Variants in DLGAP2 observed in about 807,000 individuals in gnomAD.
DLGAP2 encodes DLG associated protein 2.
In DLGAP2, 26 loss-of-function variants were observed where a neutral mutation model predicts 100.3. The ratio of observed to expected loss-of-function variants is 0.26; its 90% confidence interval spans 0.19 to 0.36. The LOEUF (loss-of-function observed/expected upper bound fraction) is 0.36, where lower values mean the gene tolerates loss of function less well. Ranked by LOEUF, DLGAP2 falls within the 10% of genes least tolerant of loss-of-function variation. The pLI, the probability that DLGAP2 is intolerant of heterozygous loss-of-function variation, is 1.00. For missense variants in DLGAP2, 1,858 were observed against 1,453.2 expected, an observed-to-expected ratio of 1.28 and a Z score of -4.53; for synonymous variants, 886 against 630.1, an observed-to-expected ratio of 1.41 and a Z score of -6.08.
chr8:1,232,646 C>G (rs575161017), intron 2 of DLGAP2, among the ~76,000 whole-genome samples: 1 of 152,192 alleles, frequency 6.6e-6, no homozygotes, highest in African/African-American at 2.4e-5. Context: ...TTCATGTAGG[C>G]ATTTCATTTC....
chr8:1,642,147 A>T (rs1585024756), intron 8 of DLGAP2, among the ~76,000 whole-genome samples: 1 of 12,794 alleles, frequency 7.8e-5, no homozygotes, highest in Non-Finnish European at 1.2e-4. Context: ...CACCTGTGTC[A>T]CCCTCGACCC....
chr8:1,677,306 G>A (rs944969025), intron 11 of DLGAP2, among the ~76,000 whole-genome samples: 2 of 152,118 alleles, frequency 1.3e-5, no homozygotes, highest in African/African-American at 4.8e-5. Flanking sequence ...CAGTTTCCAA[G>A]AGACCTCCTA....
intron 2 of DLGAP2, among the ~76,000 whole-genome samples, chr8:1,045,302 A>G (rs1802484990): frequency 6.6e-6 from 1 of 152,224 alleles, no homozygotes; most frequent in Non-Finnish European, 1.5e-5. Context: ...GTGTATATAA[A>G]GCACTTCACA....
chr8:1,412,897 C>T (rs1014597177), intron 3 of DLGAP2, among the ~76,000 whole-genome samples: 1 of 152,176 alleles, frequency 6.6e-6, no homozygotes, highest in African/African-American at 2.4e-5. Context: ...TTCCTGTCTC[C>T]CTGTCTCTGA....
At chr8:1,587,409 T>G (rs1796154659) in intron 6 of DLGAP2, among the ~76,000 whole-genome samples, 1 of 152,210 alleles carries the variant, frequency 6.6e-6, no homozygotes, top group Non-Finnish European at 1.5e-5. Context: ...TTCAGTTGTT[T>G]TCTAATTCAT....
chr8:1,380,491 A>G (rs1300088237), intron 3 of DLGAP2, among the ~76,000 whole-genome samples: 1 of 152,202 alleles, frequency 6.6e-6, no homozygotes, highest in African/African-American at 2.4e-5. Flanking sequence ...AGAGATGCTC[A>G]GCTGCACAAA....
intron 2 of DLGAP2, among the ~76,000 whole-genome samples, chr8:997,811 C>T (rs776053675): frequency 6.6e-6 from 1 of 152,194 alleles, no homozygotes; most frequent in Non-Finnish European, 1.5e-5. Context: ...TTTGCTTATA[C>T]CTATGCATAC....
At position 1,421,496 on chromosome 8, in the gene DLGAP2, C is replaced by A. The variant is rs551958224; in HGVS notation, c.107-79870C>A. 7.2e-5 allele frequency among the ~76,000 whole-genome samples: 11 copies of A among 152,292 alleles called. No individual in the cohort carries two copies. The East Asian group carries it at 2.1e-3, about 29-fold the overall frequency. On this transcript the variant is annotated intron_variant, in intron 3 of 14. Coordinates refer to ENST00000637795, the MANE Select transcript of DLGAP2 (RefSeq NM_001346810.2). ...CATAGAATCACTTTCATGCTACGTA[C>A]TCAGCCTTTCTATAATACCACAGTA...
intron 3 of DLGAP2, among the ~76,000 whole-genome samples, chr8:1,337,235 G>T (rs934151788): frequency 3.1e-4 from 47 of 149,378 alleles, no homozygotes; most frequent in Non-Finnish European, 5.6e-4. Context: ...GATGGTGGTG[G>T]TGAGAATGAT....
intron 3 of DLGAP2, among the ~76,000 whole-genome samples, chr8:1,303,698 C>A (rs1457772368): frequency 6.6e-6 from 1 of 152,176 alleles, no homozygotes. Flanking sequence ...CCCAGGGTCT[C>A]CTTGGGAGGC....
chr8:1,376,825 T>C (rs1239029017), intron 3 of DLGAP2, among the ~76,000 whole-genome samples: 1 of 146,016 alleles, frequency 6.8e-6, no homozygotes, highest in Admixed American at 7.0e-5. Flanking sequence ...GGGTTCTTCT[T>C]GCTACTGCAA....
intron 3 of DLGAP2, among the ~76,000 whole-genome samples, chr8:1,417,009 C>T (rs1242944257): frequency 1.4e-5 from 2 of 142,488 alleles, no homozygotes; most frequent in East Asian, 2.1e-4. Context: ...CAGGGGTCCC[C>T]GTCACTCCTC....
At chr8:947,918 A>T (rs1172758802) in intron 2 of DLGAP2, among the ~76,000 whole-genome samples, 1 of 138,594 alleles carries the variant, frequency 7.2e-6, no homozygotes, top group Admixed American at 7.2e-5. Context: ...AACCCGTGCC[A>T]ACCCGCGTGT....
intron 1 of DLGAP2, among the ~76,000 whole-genome samples, chr8:801,697 C>G (rs1326497357): frequency 6.6e-6 from 1 of 152,094 alleles, no homozygotes; most frequent in Non-Finnish European, 1.5e-5. Flanking sequence ...CTGTCCTTAG[C>G]CCACTGTGCC....
chr8:1,097,245 C>T (rs112276016), intron 2 of DLGAP2, among the ~76,000 whole-genome samples: 97 of 123,714 alleles, frequency 7.8e-4, no homozygotes, highest in Middle Eastern at 0.011. Flanking sequence ...GGAGAGGTCC[C>T]CTCCAGCGTG....
intron 1 of DLGAP2, among the ~76,000 whole-genome samples, chr8:801,182 C>A (rs116647637): frequency 1.7e-3 from 252 of 152,324 alleles, no homozygotes; most frequent in African/African-American, 5.8e-3. Context: ...ACTGGGTGCA[C>A]CTTCCGTGGT....
intron 2 of DLGAP2, among the ~76,000 whole-genome samples, chr8:990,366 C>CA (rs1800634055): frequency 8.6e-6 from 1 of 116,124 alleles, no homozygotes. Flanking sequence ...CTTGCCCGGA[C>CA]CCCCTGCACC....
intron 3 of DLGAP2, among the ~76,000 whole-genome samples, chr8:1,436,908 C>G (rs897382822): frequency 3.3e-5 from 5 of 152,246 alleles, no homozygotes; most frequent in African/African-American, 1.2e-4. Context: ...AACTTCTTAC[C>G]CCTGTGTTAC....
At chr8:1,477,595 C>T (rs1309340648) in intron 3 of DLGAP2, among the ~76,000 whole-genome samples, 3 of 152,232 alleles carry the variant, frequency 2.0e-5, no homozygotes, top group African/African-American at 7.2e-5. Context: ...TTCCTAATTC[C>T]TCACAGCTCA....
Sources: gnomAD v4.1 joint callset for allele counts (sites outside exome capture counted in the v4.1 genomes callset) on GRCh38, gnomAD v4.1.1 for gene constraint, MANE v1.5 for transcripts, NCBI Gene and HGNC (gene_info 2026-07-23, HGNC 2026-07-21) for gene names.